LRFN5: variants seen among roughly 807,000 people sequenced by gnomAD.
LRFN5 encodes leucine rich repeat and fibronectin type III domain containing 5.
In LRFN5, 24 loss-of-function variants were observed where a neutral mutation model predicts 45.6. That is an observed-to-expected ratio of 0.53 (90% CI 0.38 to 0.74). The LOEUF is 0.74. Ranked by LOEUF, LRFN5 falls within the 30% of genes least tolerant of loss-of-function variation. The pLI, the probability that LRFN5 is intolerant of heterozygous loss-of-function variation, is 0.00. For synonymous variants in LRFN5, 340 were observed against 313.8 expected (o/e 1.08, Z -0.88); for missense variants, 776 against 861.5 (o/e 0.90, Z 1.24).
intron 2 of LRFN5, among the ~76,000 whole-genome samples, chr14:41,821,109 C>G (rs1217441633): frequency 3.3e-5 from 5 of 151,674 alleles, no homozygotes; most frequent in Admixed American, 2.0e-4. Context: ...TAATTTTTTT[C>G]TTGCCTGATT....
intron 2 of LRFN5, among the ~76,000 whole-genome samples, chr14:41,873,184 A>G (rs190482298): frequency 1.5e-3 from 222 of 152,318 alleles, no homozygotes; most frequent in Middle Eastern, 3.4e-3. Context: ...TGTATTTACA[A>G]TGAGTGAATA....
In LRFN5 at chr14:41,887,117, G is replaced by T; in HGVS notation, c.492G>T (p.Trp164Cys). The part of the protein sequence containing the change: ...LSYNNLETIP[W>C]DAVEKMVSLH... ...ATAATAATCTAGAAACCATTCCTTGGGATGCTGTTGAGAAGATGGTTAGCT... is the reference window on the plus strand; with the variant it reads ...ATAATAATCTAGAAACCATTCCTTGTGATGCTGTTGAGAAGATGGTTAGCT... The change falls in exon 3 of 6, where the codon TGG (tryptophan) becomes TGT (cysteine). Residue 164 changes from tryptophan (W) to cysteine (C), a missense_variant. Trp to Cys is a radical substitution (Grantham distance 215, BLOSUM62 -2). Around this residue, in one of 2 missense-constraint regions of LRFN5, gnomAD observed 311 missense variants for 405.1 expected, o/e 0.77. Transcript: ENST00000298119. This position sits in a 1 kb window ranked among gnomAD's most constrained non-coding sequence, Gnocchi z 4.8. 6.2e-7 allele frequency: 1 copy of T among 1,613,904 alleles called. No homozygotes were observed. The highest frequency in any genetic ancestry group is 8.5e-7 in the Non-Finnish European group (1 of 1,180,016).
intron 2 of LRFN5, among the ~76,000 whole-genome samples, chr14:41,825,624 G>T (rs941857384): frequency 6.6e-6 from 1 of 152,224 alleles, no homozygotes; most frequent in African/African-American, 2.4e-5. Flanking sequence ...CTGAGCAGTT[G>T]TTGGTGTATA....
At chr14:41,744,474 C>A (rs1884837325) in intron 1 of LRFN5, among the ~76,000 whole-genome samples, 1 of 152,040 alleles carries the variant, frequency 6.6e-6, no homozygotes, top group Non-Finnish European at 1.5e-5. Flanking sequence ...GAGCATTATT[C>A]TATAATATAT....
chr14:41,634,703 C>T (rs1888670648), intron 1 of LRFN5, among the ~76,000 whole-genome samples: 1 of 152,088 alleles, frequency 6.6e-6, no homozygotes. Flanking sequence ...ACTAACGACC[C>T]TCTGCTTAAA....
At position 41,898,926 on chromosome 14, in the gene LRFN5, T is replaced by G; in HGVS notation, c.2108T>G (p.Leu703Arg). The G allele has an allele frequency of 6.2e-7, 1 of 1,610,462 alleles. No individual in the cohort carries two copies. The highest frequency in any genetic ancestry group is 8.5e-7 in the Non-Finnish European group (1 of 1,178,600). Residue 703 changes from leucine (L) to arginine (R), a missense_variant, in exon 5 of 6, where the codon CTG becomes CGG. Physicochemically the swap from Leu to Arg is moderately radical, Grantham distance 102. Around this residue, in one of 2 missense-constraint regions of LRFN5, gnomAD observed 465 missense variants for 456.4 expected, o/e 1.02. Transcript: ENST00000298119. The stretch of plus-strand genomic sequence containing the variant: ...AACATTTTATTCCCAGATGCTTTGC[T>G]GACTAATGTTGACCAGATTGTCCAG... ...KRAHIKPNAL[L>R]TNVDQIVQET...
intron 1 of LRFN5, among the ~76,000 whole-genome samples, chr14:41,662,932 A>G (rs908017309): frequency 6.6e-6 from 1 of 152,064 alleles, no homozygotes; most frequent in African/African-American, 2.4e-5. Context: ...CTTTACATTT[A>G]TGAGTTAGAG....
chr14:41,839,519 T>C (rs1197248079), intron 2 of LRFN5, among the ~76,000 whole-genome samples: 2 of 152,152 alleles, frequency 1.3e-5, no homozygotes, highest in Admixed American at 6.5e-5. Flanking sequence ...CCTTGCAACC[T>C]GGTAGCAGCT....
At chr14:41,842,006 TA>T (rs1278093961) in intron 2 of LRFN5, among the ~76,000 whole-genome samples, 1 of 152,022 alleles carries the variant, frequency 6.6e-6, no homozygotes. Context: ...AAATGCTGTG[TA>T]AATATGTGCT....
At chr14:41,730,955 A>G (rs898254539) in intron 1 of LRFN5, among the ~76,000 whole-genome samples, 3 of 152,072 alleles carry the variant, frequency 2.0e-5, no homozygotes, top group Non-Finnish European at 2.9e-5. Context: ...GTAGTACCCA[A>G]TGGAGTGGTC....
intron 1 of LRFN5, among the ~76,000 whole-genome samples, chr14:41,758,832 T>C (rs577032784): frequency 1.8e-4 from 28 of 152,348 alleles, no homozygotes; most frequent in Middle Eastern, 3.4e-3. Context: ...AATTGCATCA[T>C]TTAATTTTCC....
intron 1 of LRFN5, among the ~76,000 whole-genome samples, chr14:41,671,613 T>TG: frequency 8.2e-6 from 1 of 121,522 alleles, no homozygotes; most frequent in East Asian, 2.9e-4. Flanking sequence ...GATTTTTTTT[T>TG]TTCGTTTTTT....
chr14:41,671,064 C>A (rs6572104), intron 1 of LRFN5, among the ~76,000 whole-genome samples: 43,271 of 151,368 alleles, frequency 0.29, 6,313 homozygotes, highest in South Asian at 0.36. Flanking sequence ...ATTTAATTTT[C>A]TTCTAATTAT....
intron 2 of LRFN5, among the ~76,000 whole-genome samples, chr14:41,829,874 A>G (rs1474167610): frequency 1.3e-5 from 2 of 151,106 alleles, no homozygotes; most frequent in East Asian, 3.9e-4. Context: ...CTCTTTTTAA[A>G]ATGTATTTAC....
chr14:41,719,775 C>CAT (rs900186873), intron 1 of LRFN5, among the ~76,000 whole-genome samples: 13 of 149,632 alleles, frequency 8.7e-5, no homozygotes, highest in Middle Eastern at 3.5e-3. Flanking sequence ...ACTCACTCTC[C>CAT]ATATATATAT....
At chr14:41,804,644 T>C (rs1198914829) in intron 2 of LRFN5, among the ~76,000 whole-genome samples, 1 of 152,122 alleles carries the variant, frequency 6.6e-6, no homozygotes, top group African/African-American at 2.4e-5. Context: ...ATCCTAAAGT[T>C]AGCTTGACCC....
chr14:41,832,088 A>G (rs374542530), intron 2 of LRFN5, among the ~76,000 whole-genome samples: 2 of 152,244 alleles, frequency 1.3e-5, no homozygotes, highest in African/African-American at 2.4e-5. Context: ...TTCAAATACT[A>G]TCACTTTGGA....
At chr14:41,760,770 G>C (rs1250007632) in intron 1 of LRFN5, among the ~76,000 whole-genome samples, 1 of 151,716 alleles carries the variant, frequency 6.6e-6, no homozygotes, top group East Asian at 2.0e-4. Flanking sequence ...ACAGAAGAGG[G>C]GAGAAAAGGA....
At chr14:41,778,896 T>G (rs1594700709) in intron 2 of LRFN5, among the ~76,000 whole-genome samples, 1 of 151,718 alleles carries the variant, frequency 6.6e-6, no homozygotes, top group Non-Finnish European at 1.5e-5. Context: ...ATGGCAGGAG[T>G]TTTTTTAATC....
Sources: gnomAD v4.1 joint callset for allele counts (sites outside exome capture counted in the v4.1 genomes callset) on GRCh38, gnomAD v4.1.1 for gene constraint, gnomAD v4.1.1 regional missense constraint, Gnocchi (gnomAD v3.1) non-coding constraint, MANE v1.5 for transcripts, NCBI Gene and HGNC (gene_info 2026-07-23, HGNC 2026-07-21) for gene names.